The following CNTN5 variants were observed in gnomAD, a reference collection of about 807,000 sequenced individuals.
The protein encoded by CNTN5 is contactin 5, also known as contactin-5.
CNTN5 carries 77 observed loss-of-function variants against 129.1 expected under a neutral mutation model. The observed-to-expected ratio is 0.60, with a 90% confidence interval of 0.50 to 0.72. CNTN5 has a LOEUF of 0.72. CNTN5 is among the 30% of genes least tolerant of loss of function. The probability of loss-of-function intolerance (pLI) is 0.00; values close to 1 mark genes in which losing one functional copy is unlikely to be tolerated. For synonymous variants in CNTN5, 509 were observed against 465.6 expected, an observed-to-expected ratio of 1.09 and a Z score of -1.20; for missense variants, 1,478 against 1,328.8, an observed-to-expected ratio of 1.11 and a Z score of -1.75.
chr11:99,088,725 T>TA (rs1475985508), intron 1 of CNTN5, among the ~76,000 whole-genome samples: 2 of 152,090 alleles, frequency 1.3e-5, no homozygotes, highest in Non-Finnish European at 2.9e-5. Flanking sequence ...TGCTGAAGAC[T>TA]AGTGGGAAAA....
At chr11:99,848,016 T>A (rs1196767330) in intron 6 of CNTN5, among the ~76,000 whole-genome samples, 1 of 152,074 alleles carries the variant, frequency 6.6e-6, no homozygotes, top group African/African-American at 2.4e-5. Flanking sequence ...TTCGAGACCA[T>A]CCTGGCGAAC....
chr11:99,365,800 A>G (rs1335184647), intron 2 of CNTN5, among the ~76,000 whole-genome samples: 1 of 152,132 alleles, frequency 6.6e-6, no homozygotes, highest in Non-Finnish European at 1.5e-5. Context: ...GCTATTTTTG[A>G]GACACAGCTC....
Position 99,832,562 on chromosome 11 carries a change from G to C in CNTN5, c.278-12290G>C, listed in dbSNP as rs146168120. The stretch of plus-strand genomic sequence containing the variant: ...CTTGAAGGTTTTATAGTTTATACTT[G>C]TTTAAGTTTCATAAACTTCATTTCA... On this transcript the variant is annotated intron_variant, in intron 4 of 24. Coordinates refer to ENST00000524871, the MANE Select transcript of CNTN5 (RefSeq NM_014361.4). 8.9e-3 allele frequency among the ~76,000 whole-genome samples: 1,362 copies of C among 152,202 alleles called. 12 individuals carry two copies. The highest frequency in any genetic ancestry group is 0.016 in the Non-Finnish European group (1,098 of 67,982).
chr11:100,128,916 C>A (rs946519960), intron 13 of CNTN5, among the ~76,000 whole-genome samples: 1 of 152,010 alleles, frequency 6.6e-6, no homozygotes, highest in Non-Finnish European at 1.5e-5. Context: ...TTGTATCCCC[C>A]CTCCCATCAT....
intron 6 of CNTN5, among the ~76,000 whole-genome samples, chr11:99,908,653 T>C (rs1591400779): frequency 6.6e-6 from 1 of 152,072 alleles, no homozygotes; most frequent in East Asian, 1.9e-4. Flanking sequence ...GATATACAAC[T>C]TTTTCATTGT....
intron 15 of CNTN5, among the ~76,000 whole-genome samples, chr11:100,210,574 A>G (rs549928563): frequency 1.3e-4 from 20 of 152,288 alleles, no homozygotes; most frequent in African/African-American, 4.6e-4. Context: ...TGACTAATGT[A>G]TATTGATTAA....
chr11:99,981,076 G>GAATATATATATATA (rs1385717951), intron 8 of CNTN5, among the ~76,000 whole-genome samples: 49 of 12,276 alleles, frequency 4.0e-3, no homozygotes, highest in Non-Finnish European at 7.4e-3. Flanking sequence ...AGAGCCAATA[G>GAATATATATATATA]GATATATATA....
At chr11:99,429,487 T>C (rs1181257883) in intron 2 of CNTN5, among the ~76,000 whole-genome samples, 1 of 152,028 alleles carries the variant, frequency 6.6e-6, no homozygotes, top group African/African-American at 2.4e-5. Flanking sequence ...GAAAATCAGA[T>C]AGCAAAATAC....
chr11:99,077,867 C>T (rs1865639685), intron 1 of CNTN5, among the ~76,000 whole-genome samples: 1 of 152,148 alleles, frequency 6.6e-6, no homozygotes, highest in African/African-American at 2.4e-5. Flanking sequence ...TTTGCTGCAG[C>T]CTATCCGGCA....
At chr11:99,836,572 T>C (rs1947314284) in intron 4 of CNTN5, among the ~76,000 whole-genome samples, 1 of 152,154 alleles carries the variant, frequency 6.6e-6, no homozygotes, top group Non-Finnish European at 1.5e-5. Context: ...TTCCAAGTCT[T>C]TGCTATTGTG....
intron 6 of CNTN5, among the ~76,000 whole-genome samples, chr11:99,887,101 T>C (rs1244472702): frequency 6.6e-6 from 1 of 152,110 alleles, no homozygotes; most frequent in Non-Finnish European, 1.5e-5. Context: ...GATGATAATA[T>C]TATATAATTA....
chr11:99,496,926 A>C (rs1314787286), intron 2 of CNTN5, among the ~76,000 whole-genome samples: 1 of 152,244 alleles, frequency 6.6e-6, no homozygotes, highest in Non-Finnish European at 1.5e-5. Flanking sequence ...ATACTGGTTA[A>C]ATAAATTAGG....
rs186695312 is a variant in CNTN5 at position 99,029,440 on chromosome 11, A to G, written c.-210+8170A>G. 5.7e-4 allele frequency among the ~76,000 whole-genome samples: 87 copies of G among 152,178 alleles called. No homozygotes were observed. The East Asian group carries it at 0.015, about 26-fold the overall frequency. ...TTGACCACTGACATTGAAAAGATGG[A>G]AAATCGTTCAGTCAGGACACAGCTT... On this transcript the variant is annotated intron_variant, in intron 1 of 24. Coordinates refer to ENST00000524871, the MANE Select transcript of CNTN5 (RefSeq NM_014361.4).
At chr11:99,553,093 G>A (rs1694289087) in intron 2 of CNTN5, among the ~76,000 whole-genome samples, 1 of 151,990 alleles carries the variant, frequency 6.6e-6, no homozygotes, top group African/African-American at 2.4e-5. Context: ...ATAGTTCAGA[G>A]GAAAATGCCA....
rs187353758 is a variant in CNTN5 at position 100,170,668 on chromosome 11, G to A, written c.1581-20458G>A. ...CACTGAGCATGTTTTATATTCTTGC[G>A]TGTCATCCATAGACAAGGACAGTTC... On this transcript the variant is annotated intron_variant, in intron 13 of 24. Coordinates refer to ENST00000524871, the MANE Select transcript of CNTN5 (RefSeq NM_014361.4). Among the ~76,000 whole-genome samples, 205 of 151,990 alleles carry A rather than the reference G, an allele frequency of 1.3e-3. 1 individual carries two copies. Among genetic ancestry groups the A allele is most frequent in the African/African-American group, 4.3e-3 (178 of 41,514 alleles).
chr11:99,136,569 C>T (rs937215214), intron 1 of CNTN5, among the ~76,000 whole-genome samples: 1 of 152,128 alleles, frequency 6.6e-6, no homozygotes, highest in Non-Finnish European at 1.5e-5. Flanking sequence ...ATGCACAAAG[C>T]CTCACCTCAC....
chr11:99,199,967 A>ACATCATCATCATCATCATCAT (rs147514290), intron 1 of CNTN5, among the ~76,000 whole-genome samples: 1 of 151,530 alleles, frequency 6.6e-6, no homozygotes, highest in Admixed American at 6.6e-5. Flanking sequence ...ATATCCATCA[A>ACATCATCATCATCATCATCAT]CATCATCATC....
At chr11:99,679,973 A>T (rs1953478957) in intron 3 of CNTN5, among the ~76,000 whole-genome samples, 1 of 152,222 alleles carries the variant, frequency 6.6e-6, no homozygotes, top group Non-Finnish European at 1.5e-5. Flanking sequence ...GAAACCAGCT[A>T]CGACATTCCC....
intron 3 of CNTN5, among the ~76,000 whole-genome samples, chr11:99,606,404 C>T (rs1358742518): frequency 1.4e-5 from 2 of 140,140 alleles, no homozygotes; most frequent in South Asian, 2.5e-4. Context: ...TGTGAAGGAC[C>T]TCTTCAAGGA....
Sources: allele counts gnomAD v4.1 joint callset (sites outside exome capture counted in the v4.1 genomes callset), GRCh38; gene constraint gnomAD v4.1.1; transcripts MANE v1.5; gene names NCBI Gene and HGNC (gene_info 2026-07-23, HGNC 2026-07-21).